The following ALS2 variants were observed in gnomAD, a reference collection of about 807,000 sequenced individuals.
The protein encoded by ALS2 is alsin.
In ALS2, 117 loss-of-function variants were observed where a neutral mutation model predicts 203.4. The ratio of observed to expected loss-of-function variants is 0.58; its 90% confidence interval spans 0.50 to 0.67. ALS2 has a LOEUF of 0.67. Ranked by LOEUF, ALS2 falls within the 30% of genes least tolerant of loss-of-function variation. ALS2 has a pLI of 0.00. For missense variants in ALS2, 1,715 were observed against 1,989.4 expected (o/e 0.86, Z 2.62); for synonymous variants, 718 against 725.9 (o/e 0.99, Z 0.17).
intron 19 of ALS2, 83 bp from the exon 20 acceptor site, chr2:201,725,537 T>A: frequency 8.7e-7 from 1 of 1,145,160 alleles, no homozygotes; most frequent in Non-Finnish European, 1.3e-6. Context: ...GTAAACATTT[T>A]AACAAGGAAG....
chr2:201,764,190 C>G (rs1693935540), intron 3 of ALS2, among the ~76,000 whole-genome samples: 2 of 152,138 alleles, frequency 1.3e-5, no homozygotes, highest in Non-Finnish European at 2.9e-5. Context: ...CTCTTTTAAA[C>G]TTTGTTTCCT....
chr2:201,766,835 C>T (rs1031105542), intron 3 of ALS2, among the ~76,000 whole-genome samples: 14 of 148,232 alleles, frequency 9.4e-5, no homozygotes, highest in East Asian at 2.0e-4. Flanking sequence ...AGCAAACTAT[C>T]GCAAGGAGAA....
intron 1 of ALS2, among the ~76,000 whole-genome samples, chr2:201,773,218 G>A (rs1574809734): frequency 6.6e-6 from 1 of 152,262 alleles, no homozygotes; most frequent in African/African-American, 2.4e-5. Context: ...CAATTTTATG[G>A]TGAACACTCA....
chr2:201,705,758 C>T lies in ALS2; in HGVS notation c.4581-297G>A, dbSNP rs116356725. On this transcript the variant is annotated intron_variant, in intron 29 of 33. Transcript: ENST00000264276. ...ATTATTCCACTGAAAACAATTAAAGCACAAAATAAAAAAAAAGCACAAAAA... is the reference window on the plus strand; with the variant it reads ...ATTATTCCACTGAAAACAATTAAAGTACAAAATAAAAAAAAAGCACAAAAA... Among the ~76,000 whole-genome samples the T allele has an allele frequency of 7.0e-3, 1,051 of 150,572 alleles. 16 individuals are homozygous for T. Among genetic ancestry groups the T allele is most frequent in the African/African-American group, 0.025 (1,016 of 40,786 alleles).
chr2:201,714,305 C>A (rs1323749643), intron 25 of ALS2, among the ~76,000 whole-genome samples: 1 of 152,176 alleles, frequency 6.6e-6, no homozygotes, highest in East Asian at 1.9e-4. Flanking sequence ...TTGGCAACTG[C>A]CAAGCACAGG....
chr2:201,718,245 A>T, intron 23 of ALS2, 35 bp from the exon 24 acceptor site: 14 of 1,595,828 alleles, frequency 8.8e-6, no homozygotes, highest in Non-Finnish European at 1.2e-5. Context: ...GTGGGGTTAG[A>T]GGAAATATAT....
At chr2:201,768,825 T>C in intron 2 of ALS2, 41 bp downstream of exon 2, 1 of 1,600,742 alleles carries the variant, frequency 6.2e-7, no homozygotes, top group Non-Finnish European at 8.6e-7. Context: ...GTTTGCTATG[T>C]TTTCCTAGGA....
At chr2:201,770,829 G>T (rs1488646434) in intron 1 of ALS2, among the ~76,000 whole-genome samples, 3 of 152,066 alleles carry the variant, frequency 2.0e-5, no homozygotes, top group African/African-American at 7.2e-5. Context: ...GCAAGGAAAA[G>T]AATTCTTTCC....
intron 1 of ALS2, among the ~76,000 whole-genome samples, chr2:201,776,975 G>A (rs1197414995): frequency 6.6e-6 from 1 of 152,156 alleles, no homozygotes; most frequent in Admixed American, 6.5e-5. Flanking sequence ...AATATCTATA[G>A]AGACAACTAT....
In ALS2 at chr2:201,711,074, G is replaced by A; in HGVS notation, c.4039C>T (p.Leu1347=). Residue 1347 remains leucine, a synonymous_variant, in exon 26 of 34, where the codon CTA becomes TTA. Coordinates refer to ENST00000264276, the MANE Select transcript of ALS2 (RefSeq NM_020919.4). ...EILSRSQTQT[L]ESLEFIPQHV... is the part of the protein sequence containing the mutation. ...TGTGGAATGAATTCCAAACTCTCTA[G>A]TGTCTGAGTCTGTGAACGACTCAGT... is the stretch of plus-strand genomic sequence containing the variant. 1 of 1,611,874 alleles carries A rather than the reference G, an allele frequency of 6.2e-7. No homozygotes were observed. Among genetic ancestry groups the A allele is most frequent in the African/African-American group, 1.3e-5 (1 of 75,008 alleles).
At chr2:201,773,786 G>T (rs1471812312) in intron 1 of ALS2, among the ~76,000 whole-genome samples, 1 of 152,200 alleles carries the variant, frequency 6.6e-6, no homozygotes, top group Non-Finnish European at 1.5e-5. Flanking sequence ...GCGCCTGGAA[G>T]TTGGATAGGA....
chr2:201,740,335 A>G (rs935110458), intron 11 of ALS2, among the ~76,000 whole-genome samples: 1 of 152,216 alleles, frequency 6.6e-6, no homozygotes, highest in Non-Finnish European at 1.5e-5. Flanking sequence ...ATAATTTTAA[A>G]GATTCATACA....
rs765078115 is a variant in ALS2, at chr2:201,715,698, G to A, written c.3978C>T (p.Thr1326=). ...TGTCTCTGTGCTGGCGCCGACTGGT[G>A]GTCAAGGCCACAGCAATATTGTCCC... ...KAWDNIAVAL[T]TSRRQHRDSP... The change falls in exon 25 of 34, where the codon ACC becomes ACT. Residue 1326 remains threonine, a synonymous_variant. Coordinates refer to ENST00000264276, the MANE Select transcript of ALS2 (RefSeq NM_020919.4). The A allele has an allele frequency of 6.2e-7, 1 of 1,614,176 alleles. No homozygotes were observed. Among genetic ancestry groups the A allele is most frequent in the African/African-American group, 1.3e-5 (1 of 75,044 alleles).
At chr2:201,733,546 T>C in intron 12 of ALS2, 108 bp from the exon 13 acceptor site, 1 of 953,452 alleles carries the variant, frequency 1.0e-6, no homozygotes, top group East Asian at 2.6e-5. Flanking sequence ...GCACATTTTT[T>C]AGGTGCTGTG....
intron 13 of ALS2, among the ~76,000 whole-genome samples, chr2:201,730,459 G>A (rs1311642729): frequency 6.6e-6 from 1 of 152,192 alleles, no homozygotes. Context: ...CACAGTGGCA[G>A]ATCCATCTCT....
At chr2:201,707,292 T>C (rs1025317279) in intron 28 of ALS2, among the ~76,000 whole-genome samples, 2 of 152,206 alleles carry the variant, frequency 1.3e-5, no homozygotes, top group African/African-American at 4.8e-5. Context: ...TCTCTGAGGT[T>C]ATTCTAGGAC....
intron 1 of ALS2, among the ~76,000 whole-genome samples, chr2:201,772,769 C>T (rs1254306100): frequency 6.6e-6 from 1 of 150,780 alleles, no homozygotes; most frequent in Non-Finnish European, 1.5e-5. Context: ...CTTTTATGTA[C>T]TTTGAACATT....
chr2:201,728,985 T>C (rs760366091), intron 14 of ALS2, 67 bp downstream of exon 14: 17 of 1,610,452 alleles, frequency 1.1e-5, no homozygotes, highest in East Asian at 2.2e-5. Context: ...ACAGAGAAAA[T>C]TGTATCAATT....
intron 1 of ALS2, among the ~76,000 whole-genome samples, chr2:201,778,824 CCT>C (rs1694770562): frequency 6.6e-6 from 1 of 152,170 alleles, no homozygotes; most frequent in Non-Finnish European, 1.5e-5. Flanking sequence ...TCACAGCATG[CCT>C]CTGAGTGAGA....
Sources: allele counts gnomAD v4.1 joint callset (sites outside exome capture counted in the v4.1 genomes callset), GRCh38; gene constraint gnomAD v4.1.1; transcripts MANE v1.5; gene names NCBI Gene and HGNC (gene_info 2026-07-23, HGNC 2026-07-21).